XPR1: variants seen among roughly 807,000 people sequenced by gnomAD.
XPR1 encodes xenotropic and polytropic retrovirus receptor 1.
In XPR1, 28 loss-of-function variants were observed where a neutral mutation model predicts 87.5. The ratio of observed to expected loss-of-function variants is 0.32; its 90% confidence interval spans 0.24 to 0.44. The LOEUF (loss-of-function observed/expected upper bound fraction) is 0.44, where lower values mean the gene tolerates loss of function less well. Among genes scored for constraint, XPR1 ranks in the 20% least tolerant of loss-of-function variants. XPR1 has a pLI of 1.00. For missense variants in XPR1, 559 were observed against 862.3 expected, an observed-to-expected ratio of 0.65 and a Z score of 4.41; for synonymous variants, 300 against 306.1, an observed-to-expected ratio of 0.98 and a Z score of 0.21.
At position 180,806,336 on chromosome 1, in the gene XPR1, A is replaced by G. The variant is rs7537718; in HGVS notation, c.597+125A>G. On this transcript the variant is annotated intron_variant, in intron 5 of 14. Transcript: ENST00000367590. Reference sequence around the variant, plus strand: ...TTTGAATATATATGCCTTACCTGTGATTTTTTTTCATTTTCTTTATCAGTA... The same window carrying G: ...TTTGAATATATATGCCTTACCTGTGGTTTTTTTTCATTTTCTTTATCAGTA... The G allele has an allele frequency of 6.2e-4, 908 of 1,457,974 alleles. 6 individuals carry two copies. The African/African-American group carries it at 0.012, about 19-fold the overall frequency. The allele number at this position is 1,457,974 out of a possible 1,614,324, so 90.3% of individuals were successfully genotyped here.
intron 2 of XPR1, among the ~76,000 whole-genome samples, chr1:180,725,530 A>G (rs1571769358): frequency 1.3e-5 from 2 of 152,198 alleles, no homozygotes; most frequent in African/African-American, 4.8e-5. Context: ...ATTATTTTTT[A>G]TCCTTCACTG....
chr1:180,876,652 A>G (rs913714936), intron 13 of XPR1, among the ~76,000 whole-genome samples: 15 of 152,092 alleles, frequency 9.9e-5, no homozygotes, highest in African/African-American at 3.6e-4. Flanking sequence ...AAAAAAAGAA[A>G]GAAACCTGTC....
chr1:180,734,372 AT>A (rs968715380), intron 2 of XPR1, among the ~76,000 whole-genome samples: 16 of 152,308 alleles, frequency 1.1e-4, no homozygotes, highest in Non-Finnish European at 1.6e-4. Context: ...AAATGTAACC[AT>A]TTGTGGGAAA....
intron 1 of XPR1, among the ~76,000 whole-genome samples, chr1:180,638,392 A>G (rs1654856246): frequency 6.6e-6 from 1 of 152,148 alleles, no homozygotes; most frequent in South Asian, 2.1e-4. Context: ...CAGATTAACC[A>G]CAGCTGGTTT....
chr1:180,819,027 A>G (rs1030179378), intron 7 of XPR1, among the ~76,000 whole-genome samples: 4 of 152,082 alleles, frequency 2.6e-5, no homozygotes, highest in African/African-American at 4.8e-5. Context: ...CTAGCTCACT[A>G]CAGCCTAGAC....
chr1:180,692,955 A>G (rs896370944), intron 2 of XPR1, among the ~76,000 whole-genome samples: 1 of 152,198 alleles, frequency 6.6e-6, no homozygotes, highest in Non-Finnish European at 1.5e-5. Context: ...CATCACCTGT[A>G]AAAGTCACTA....
intron 1 of XPR1, among the ~76,000 whole-genome samples, chr1:180,651,649 A>C (rs538811184): frequency 6.6e-6 from 1 of 152,308 alleles, no homozygotes; most frequent in African/African-American, 2.4e-5. Flanking sequence ...TTTGAAATAC[A>C]GTAGTGTGTT....
At chr1:180,656,192 G>T (rs1342125606) in intron 1 of XPR1, among the ~76,000 whole-genome samples, 2 of 148,696 alleles carry the variant, frequency 1.3e-5, no homozygotes, top group East Asian at 3.9e-4. Context: ...TAAGTGAGAA[G>T]ATGCAAAGTT....
At chr1:180,666,914 C>T (rs912557400) in intron 1 of XPR1, among the ~76,000 whole-genome samples, 4 of 151,564 alleles carry the variant, frequency 2.6e-5, no homozygotes, top group Admixed American at 2.0e-4. Context: ...AAACCATTTT[C>T]AGTCTTTTTT....
intron 2 of XPR1, among the ~76,000 whole-genome samples, chr1:180,690,114 C>T (rs1656929411): frequency 6.6e-6 from 1 of 151,228 alleles, no homozygotes; most frequent in African/African-American, 2.4e-5. Context: ...TGAGATTGTG[C>T]CACTGCTCTC....
Position 180,689,651 on chromosome 1 carries a change from C to G in XPR1, c.121+7240C>G, listed in dbSNP as rs138809968. On this transcript the variant is annotated intron_variant, in intron 2 of 14. Transcript: ENST00000367590. Reference sequence around the variant, plus strand: ...AATAGATACCATGAGGATTCTGGAACAGAAAAAGAACATCAGGCATAAACT... The same window carrying G: ...AATAGATACCATGAGGATTCTGGAAGAGAAAAAGAACATCAGGCATAAACT... Among the ~76,000 whole-genome samples the G allele has an allele frequency of 2.0e-3, 304 of 152,084 alleles. 3 individuals are homozygous for G. Among genetic ancestry groups the G allele is most frequent in the Admixed American group, 0.015 (232 of 15,264 alleles).
At chr1:180,685,460 G>GA (rs1448183704) in intron 2 of XPR1, among the ~76,000 whole-genome samples, 1 of 152,010 alleles carries the variant, frequency 6.6e-6, no homozygotes, top group Non-Finnish European at 1.5e-5. Flanking sequence ...TTTTTGTTGT[G>GA]TCTCTGCCAG....
chr1:180,849,256 CAG>C (rs1035755585), intron 11 of XPR1, among the ~76,000 whole-genome samples: 1 of 152,178 alleles, frequency 6.6e-6, no homozygotes, highest in African/African-American at 2.4e-5. Context: ...AGAAAGGAAA[CAG>C]GTGTTATTCT....
At chr1:180,883,877 G>A (rs759760809) in intron 14 of XPR1, 129 bp from the exon 15 acceptor site, 9 of 728,740 alleles carry the variant, frequency 1.2e-5, no homozygotes, top group Non-Finnish European at 2.1e-5. Context: ...AATCCGTCTG[G>A]TACAGCAGAT....
At chr1:180,840,283 T>C (rs2102175540) in intron 11 of XPR1, among the ~76,000 whole-genome samples, 1 of 147,300 alleles carries the variant, frequency 6.8e-6, no homozygotes, top group East Asian at 2.0e-4. Flanking sequence ...AGTATGGGAG[T>C]GACAGCGTCA....
chr1:180,806,021 G>A (rs746626239), intron 4 of XPR1, 41 bp from the exon 5 acceptor site: 4 of 1,594,002 alleles, frequency 2.5e-6, no homozygotes, highest in Non-Finnish European at 3.4e-6. Context: ...ATTTTTGATG[G>A]TAGTAGAAAT....
chr1:180,768,384 C>T (rs919578222), intron 2 of XPR1, among the ~76,000 whole-genome samples: 2 of 152,190 alleles, frequency 1.3e-5, no homozygotes, highest in African/African-American at 4.8e-5. Context: ...CTGTAGGAGA[C>T]CCTCAAGTCC....
At chr1:180,682,472 T>G in intron 2 of XPR1, 61 bp downstream of exon 2, 1 of 1,417,040 alleles carries the variant, frequency 7.1e-7, no homozygotes, top group Non-Finnish European at 9.7e-7. Context: ...AAAGATATTT[T>G]GTACTGCAGA....
intron 9 of XPR1, among the ~76,000 whole-genome samples, chr1:180,831,362 C>CTTTTTCTTTTTTTTTTTT (rs1553252332): frequency 2.6e-4 from 30 of 115,376 alleles, no homozygotes; most frequent in East Asian, 9.9e-4. Flanking sequence ...TTTTCTTTTT[C>CTTTTTCTTTTTTTTTTTT]TTTTTTTTTT....
Sources: gnomAD v4.1 joint callset for allele counts (sites outside exome capture counted in the v4.1 genomes callset) on GRCh38, gnomAD v4.1.1 for gene constraint, MANE v1.5 for transcripts, NCBI Gene and HGNC (gene_info 2026-07-23, HGNC 2026-07-21) for gene names.